The following ZNF365 variants were observed in gnomAD, a reference collection of about 807,000 sequenced individuals.
The protein encoded by ZNF365 is zinc finger protein 365, also known as protein ZNF365.
ZNF365 carries 22 observed loss-of-function variants against 35.0 expected under a neutral mutation model. That is an observed-to-expected ratio of 0.63 (90% confidence interval 0.45 to 0.90). The LOEUF (loss-of-function observed/expected upper bound fraction) is 0.90, where lower values mean the gene tolerates loss of function less well. ZNF365 is among the 40% of genes least tolerant of loss of function. The pLI is 0.00. For synonymous variants in ZNF365, 188 were observed against 196.2 expected, an observed-to-expected ratio of 0.96 and a Z score of 0.35; for missense variants, 448 against 500.3, an observed-to-expected ratio of 0.90 and a Z score of 1.00.
chr10:62,412,588 G>GA (rs909982341), intron 3 of ZNF365, among the ~76,000 whole-genome samples: 25 of 152,132 alleles, frequency 1.6e-4, no homozygotes, highest in African/African-American at 6.0e-4. Flanking sequence ...AAAGTCTCAG[G>GA]ATACAAAATC....
chr10:62,420,048 C>T (rs544260327), intron 3 of ZNF365, among the ~76,000 whole-genome samples: 1 of 151,982 alleles, frequency 6.6e-6, no homozygotes, highest in East Asian at 1.9e-4. Context: ...CCTTTAAAAT[C>T]TTAATGTATT....
intron 2 of ZNF365, among the ~76,000 whole-genome samples, chr10:62,383,707 T>A (rs1839478241): frequency 6.6e-6 from 1 of 152,254 alleles, no homozygotes. Flanking sequence ...ATTGGTCACA[T>A]GATAGCATGT....
chr10:62,394,040 C>T (rs1373229911), intron 3 of ZNF365, among the ~76,000 whole-genome samples: 3 of 152,292 alleles, frequency 2.0e-5, no homozygotes, highest in African/African-American at 7.2e-5. Context: ...ACCATTTTTC[C>T]TTATAACAGT....
At chr10:62,451,298 T>C (rs1001320344) in intron 3 of ZNF365, among the ~76,000 whole-genome samples, 1 of 152,174 alleles carries the variant, frequency 6.6e-6, no homozygotes, top group African/African-American at 2.4e-5. Context: ...CTTGTTTTGC[T>C]TGTGGTGCCT....
chr10:62,385,540 CGCATATGCTAGACTGTATA>C (rs1839511649), intron 2 of ZNF365, among the ~76,000 whole-genome samples: 1 of 152,056 alleles, frequency 6.6e-6, no homozygotes. Flanking sequence ...TTGCTGTCTT[CGCATATGCTAGACTGTATA>C]GCATGAAAGC....
rs1839819691 is a variant in ZNF365, at chr10:62,401,062, G to A, written c.*1273G>A. 3.0e-6 allele frequency: 3 copies of A among 985,274 alleles called. No individual in the cohort carries two copies. The highest frequency in any genetic ancestry group is 3.6e-6 in the Non-Finnish European group (3 of 829,896). The allele number at this position is 985,274 out of a possible 1,614,324, so 61.0% of individuals were successfully genotyped here. Reference sequence around the variant, plus strand: ...TCCTTAAATTTAGCAATATCATCAGGTCTCTTGCAGAGTTTACAAGTGCTG... The same window carrying A: ...TCCTTAAATTTAGCAATATCATCAGATCTCTTGCAGAGTTTACAAGTGCTG... On this transcript the variant is annotated 3_prime_UTR_variant, in exon 5 of 5. Transcript: ENST00000395254.
chr10:62,404,072 G>A (rs1003899561), downstream of ZNF365, among the ~76,000 whole-genome samples: 4 of 152,036 alleles, frequency 2.6e-5, no homozygotes, highest in African/African-American at 7.2e-5. Flanking sequence ...AAGAGTATTC[G>A]AACTATAGCC....
intron 4 of ZNF365, among the ~76,000 whole-genome samples, chr10:62,469,208 T>C (rs1201881207): frequency 6.6e-6 from 1 of 152,190 alleles, no homozygotes; most frequent in Non-Finnish European, 1.5e-5. Flanking sequence ...AACAAGGTTT[T>C]AGCAGAAAAA....
chr10:62,401,929 C>T lies in ZNF365; in HGVS notation c.*2140C>T, dbSNP rs76416315. 2,006 of 985,340 alleles carry T rather than the reference C, an allele frequency of 2.0e-3. 34 individuals carry two copies. The African/African-American group carries it at 0.032, about 16-fold the overall frequency. The allele number at this position is 985,340 out of a possible 1,614,324, so 61.0% of individuals were successfully genotyped here. A position where few individuals can be genotyped will look rare whatever the true frequency, so the allele number is the denominator to read the frequency against. ...TTTATTATATTAAAATGTTTTTTTA[C>T]GTTCCCACTAAATTTTGACCCCATA... is the stretch of plus-strand genomic sequence containing the variant. On this transcript the variant is annotated 3_prime_UTR_variant, in exon 5 of 5. Transcript: ENST00000395254.
At chr10:62,450,231 A>G (rs1840658218) in intron 3 of ZNF365, among the ~76,000 whole-genome samples, 1 of 152,222 alleles carries the variant, frequency 6.6e-6, no homozygotes, top group African/African-American at 2.4e-5. Flanking sequence ...ATTTGTAACA[A>G]CGATAGCTAA....
At chr10:62,423,784 C>A (rs1840210638) in intron 3 of ZNF365, among the ~76,000 whole-genome samples, 1 of 151,982 alleles carries the variant, frequency 6.6e-6, no homozygotes, top group African/African-American at 2.4e-5. Context: ...AAAATGCATG[C>A]TTTGAGCTTA....
At position 62,399,724 on chromosome 10, in the gene ZNF365, C is replaced by A. The variant is rs528809549; in HGVS notation, c.1159C>A (p.Arg387Ser). Reference protein sequence around the residue: ...PKKGELLGFGRKGNIRPKMAK... With the variant: ...PKKGELLGFGSKGNIRPKMAK... ...GAAAGGGGAGCTCCTGGGGTTTGGC[C>A]GCAAAGGCAACATCAGGCCCAAAAT... Residue 387 changes from arginine (R) to serine (S), a missense_variant, in exon 5 of 5, where the codon CGC becomes AGC. By Grantham distance (110) the Arg-to-Ser change is moderately radical (BLOSUM62 -1). Coordinates refer to ENST00000395254, the MANE Select transcript of ZNF365 (RefSeq NM_014951.3). 1.2e-6 allele frequency: 2 copies of A among 1,613,884 alleles called. No homozygotes were observed. The highest frequency in any genetic ancestry group is 1.7e-6 in the Non-Finnish European group (2 of 1,179,996).
intron 3 of ZNF365, among the ~76,000 whole-genome samples, chr10:62,395,385 T>C (rs2132424760): frequency 6.6e-6 from 1 of 151,544 alleles, no homozygotes; most frequent in Admixed American, 6.6e-5. Flanking sequence ...TTGCCCAGGC[T>C]GGAGTGCAAT....
At chr10:62,478,675 G>A (rs1169963482) in intron 4 of ZNF365, among the ~76,000 whole-genome samples, 2 of 152,198 alleles carry the variant, frequency 1.3e-5, no homozygotes, top group Non-Finnish European at 2.9e-5. Context: ...CTGGGTTCAT[G>A]CCATTCTCCT....
chr10:62,419,978 AT>A (rs1181509427), intron 3 of ZNF365, among the ~76,000 whole-genome samples: 5 of 152,112 alleles, frequency 3.3e-5, no homozygotes, highest in African/African-American at 7.2e-5. Context: ...TCACAAAAAA[AT>A]ATATAAATTT....
At chr10:62,435,274 C>T (rs767863632) in intron 3 of ZNF365, among the ~76,000 whole-genome samples, 6 of 152,028 alleles carry the variant, frequency 3.9e-5, no homozygotes, top group South Asian at 4.2e-4. Context: ...AAAGGACTGA[C>T]GAAGGAAATG....
At position 62,401,510 on chromosome 10, in the gene ZNF365, A is replaced by T. The variant is rs1390355674; in HGVS notation, c.*1721A>T. On this transcript the variant is annotated 3_prime_UTR_variant, in exon 5 of 5. Transcript: ENST00000395254. ...ATGGGGGGGGTAGATCATTCATGTG[A>T]TATATAAGCAGCTATCAAGTGGGCA... 3.8e-5 allele frequency: 37 copies of T among 985,394 alleles called. No individual in the cohort carries two copies. The highest frequency in any genetic ancestry group is 4.1e-5 in the Non-Finnish European group (34 of 829,904). 61.0% of individuals were successfully genotyped at this position (985,394 alleles called of 1,614,324 possible).
chr10:62,454,774 CA>C, intron 3 of ZNF365, among the ~76,000 whole-genome samples: 1 of 152,208 alleles, frequency 6.6e-6, no homozygotes, highest in South Asian at 2.1e-4. Context: ...CTGGGCTGGA[CA>C]CAGGAAGGCA....
At chr10:62,423,088 C>T (rs1034634945) in intron 3 of ZNF365, among the ~76,000 whole-genome samples, 7 of 152,004 alleles carry the variant, frequency 4.6e-5, no homozygotes, top group Non-Finnish European at 8.8e-5. Flanking sequence ...TGGCAACTAA[C>T]TTATATAATA....
Sources: gnomAD v4.1 joint callset for allele counts (sites outside exome capture counted in the v4.1 genomes callset) on GRCh38, gnomAD v4.1.1 for gene constraint, MANE v1.5 for transcripts, NCBI Gene and HGNC (gene_info 2026-07-23, HGNC 2026-07-21) for gene names.